ST18: variants seen among roughly 807,000 people sequenced by gnomAD.
ST18 encodes the protein ST18 C2H2C-type zinc finger transcription factor.
A neutral mutation model predicts 110.0 loss-of-function variants in ST18; 50 were observed. The ratio of observed to expected loss-of-function variants is 0.45; its 90% CI spans 0.36 to 0.58. The LOEUF (loss-of-function observed/expected upper bound fraction) is 0.58. Among genes scored for constraint, ST18 ranks in the 20% least tolerant of loss-of-function variants. The pLI is 0.00. For missense variants in ST18, 1,306 were observed against 1,280.1 expected, an observed-to-expected ratio of 1.02 and a Z score of -0.31; for synonymous variants, 461 against 452.4, an observed-to-expected ratio of 1.02 and a Z score of -0.24.
chr8:52,357,911 A>T (rs1385131735), intron 2 of ST18, among the ~76,000 whole-genome samples: 1 of 151,062 alleles, frequency 6.6e-6, no homozygotes, highest in Non-Finnish European at 1.5e-5. Flanking sequence ...CATTTTCTCA[A>T]GCACACATAG....
At chr8:52,381,150 T>C (rs1166999480) in intron 2 of ST18, among the ~76,000 whole-genome samples, 1 of 152,220 alleles carries the variant, frequency 6.6e-6, no homozygotes, top group African/African-American at 2.4e-5. Flanking sequence ...ATTTAGCAAC[T>C]GAAGGATGTT....
chr8:52,299,557 G>A (rs893910362), intron 2 of ST18, among the ~76,000 whole-genome samples: 29 of 152,210 alleles, frequency 1.9e-4, no homozygotes, highest in African/African-American at 6.5e-4. Context: ...TGCAGCCTGT[G>A]CTTTGCTCTG....
At chr8:52,175,379 C>G (rs2066525458) in intron 9 of ST18, among the ~76,000 whole-genome samples, 1 of 152,156 alleles carries the variant, frequency 6.6e-6, no homozygotes, top group Non-Finnish European at 1.5e-5. Context: ...TGAGAAGGCT[C>G]AACTCAGTTC....
At chr8:52,135,555 C>G (rs1369600530) in intron 19 of ST18, among the ~76,000 whole-genome samples, 1 of 99,908 alleles carries the variant, frequency 1.0e-5, no homozygotes, top group South Asian at 2.9e-4. Context: ...GCAACAAGAC[C>G]GAAACTCCAT....
intron 2 of ST18, among the ~76,000 whole-genome samples, chr8:52,286,487 T>C (rs2095473767): frequency 6.6e-6 from 1 of 152,170 alleles, no homozygotes; most frequent in East Asian, 1.9e-4. Flanking sequence ...AAGCTGTCTG[T>C]AATCTTCACA....
chr8:52,251,115 C>T (rs1589302972), intron 2 of ST18, among the ~76,000 whole-genome samples: 1 of 152,140 alleles, frequency 6.6e-6, no homozygotes, highest in East Asian at 1.9e-4. Flanking sequence ...TATTTTGAAG[C>T]ACTCTGCAGG....
intron 9 of ST18, among the ~76,000 whole-genome samples, chr8:52,179,267 T>C (rs1042880728): frequency 6.6e-6 from 1 of 152,220 alleles, no homozygotes; most frequent in Non-Finnish European, 1.5e-5. Flanking sequence ...GGCATGTGAC[T>C]ACCAGGAACT....
intron 2 of ST18, chr8:52,294,592 T>G (rs1271464099): frequency 2.0e-5 from 3 of 152,266 alleles, no homozygotes; most frequent in Non-Finnish European, 4.4e-5. Context: ...TGTCCCTCCC[T>G]GACGATATTA....
intron 18 of ST18, 151 bp from the exon 19 acceptor site, chr8:52,136,809 C>T: frequency 1.5e-6 from 1 of 680,704 alleles, no homozygotes; most frequent in Non-Finnish European, 2.5e-6. Flanking sequence ...CTTTGCTCTT[C>T]TCGCCAGTCT....
intron 7 of ST18, 149 bp from the exon 8 acceptor site, chr8:52,212,258 T>A: frequency 1.4e-6 from 1 of 716,846 alleles, no homozygotes; most frequent in Non-Finnish European, 2.3e-6. Flanking sequence ...TCTTTGGAGA[T>A]GAGAGGACAG....
chr8:52,272,945 T>G (rs530286256), intron 2 of ST18, among the ~76,000 whole-genome samples: 31 of 152,194 alleles, frequency 2.0e-4, no homozygotes, highest in African/African-American at 7.2e-4. Flanking sequence ...TGCATAAAAT[T>G]TCAGTCAAGC....
chr8:52,131,087 C>T (rs574852557), intron 22 of ST18, among the ~76,000 whole-genome samples: 12 of 152,316 alleles, frequency 7.9e-5, no homozygotes, highest in Admixed American at 2.0e-4. Context: ...TTTAAACAAG[C>T]AATTCCTGGA....
At chr8:52,203,631 A>G (rs567660627) in intron 8 of ST18, among the ~76,000 whole-genome samples, 1 of 152,228 alleles carries the variant, frequency 6.6e-6, no homozygotes, top group African/African-American at 2.4e-5. Context: ...GAGACCTCAA[A>G]TAGGTATAGT....
At chr8:52,195,634 G>A (rs2075962590) in intron 8 of ST18, among the ~76,000 whole-genome samples, 1 of 152,016 alleles carries the variant, frequency 6.6e-6, no homozygotes, top group African/African-American at 2.4e-5. Flanking sequence ...ATTGATCTTG[G>A]ATAAGTACTG....
Position 52,178,637 on chromosome 8 carries a change from AAAAAAACC to A in ST18, c.277+1477_277+1484del, listed in dbSNP as rs2067968813. ...ATCAAAAAAAAAAAAAAAAAAAAAA[AAAAAAACC>A]ACCAAAAACCAAAATAAAACAAACA... On this transcript the variant is annotated intron_variant, in intron 9 of 25. Transcript: ENST00000689386. Among the ~76,000 whole-genome samples the A allele has an allele frequency of 4.5e-5, 6 of 131,934 alleles. 1 individual carries two copies. The highest frequency in any genetic ancestry group is 2.0e-4 in the African/African-American group (6 of 29,850). 86.6% of individuals were successfully genotyped at this position (131,934 alleles called of 152,430 possible).
At chr8:52,118,540 C>T in intron 23 of ST18, 99 bp from the exon 24 acceptor site, 1 of 654,944 alleles carries the variant, frequency 1.5e-6, no homozygotes, top group Non-Finnish European at 2.5e-6. Flanking sequence ...ATGAGACTTT[C>T]ATTTAGTGTT....
chr8:52,234,283 G>A (rs1001466469), intron 2 of ST18, among the ~76,000 whole-genome samples: 7 of 148,868 alleles, frequency 4.7e-5, no homozygotes, highest in Admixed American at 1.3e-4. Flanking sequence ...ATTTTTTTTT[G>A]AGACAGAGTC....
chr8:52,130,159 G>GAAAGAAAGAAAGAAAGAA, intron 22 of ST18, among the ~76,000 whole-genome samples: 1 of 148,572 alleles, frequency 6.7e-6, no homozygotes, highest in South Asian at 2.1e-4. Flanking sequence ...AAGAAAGAAA[G>GAAAGAAAGAAAGAAAGAA]AAAGAAAAAG....
At chr8:52,159,985 T>C (rs1344720812) in intron 14 of ST18, among the ~76,000 whole-genome samples, 1 of 152,118 alleles carries the variant, frequency 6.6e-6, no homozygotes, top group Non-Finnish European at 1.5e-5. Flanking sequence ...TTTTAAATAT[T>C]TGATTCTTTT....
Sources: allele counts gnomAD v4.1 joint callset (sites outside exome capture counted in the v4.1 genomes callset), GRCh38; gene constraint gnomAD v4.1.1; transcripts MANE v1.5; gene names NCBI Gene and HGNC (gene_info 2026-07-23, HGNC 2026-07-21).